Variants in ERBB4 observed in about 807,000 individuals in gnomAD.
ERBB4 encodes the protein erb-b2 receptor tyrosine kinase 4.
ERBB4 carries 42 observed loss-of-function variants against 158.0 expected under a neutral mutation model. The observed-to-expected ratio is 0.27, with a 90% CI of 0.21 to 0.34. The LOEUF (loss-of-function observed/expected upper bound fraction) is 0.34, where lower values mean the gene tolerates loss of function less well. Ranked by LOEUF, ERBB4 falls within the 10% of genes least tolerant of loss-of-function variation. The pLI, the probability that ERBB4 is intolerant of heterozygous loss-of-function variation, is 1.00. For missense variants in ERBB4, 1,333 were observed against 1,624.1 expected, an observed-to-expected ratio of 0.82 and a Z score of 3.08; for synonymous variants, 583 against 558.7, an observed-to-expected ratio of 1.04 and a Z score of -0.61.
intron 1 of ERBB4, among the ~76,000 whole-genome samples, chr2:212,473,471 C>G (rs79930909): frequency 6.6e-6 from 1 of 151,900 alleles, no homozygotes; most frequent in African/African-American, 2.4e-5. Flanking sequence ...GAAAAAAGTG[C>G]CAATTAAATG....
intron 1 of ERBB4, among the ~76,000 whole-genome samples, chr2:212,165,027 T>C (rs769043380): frequency 2.0e-5 from 3 of 151,860 alleles, no homozygotes; most frequent in Non-Finnish European, 4.4e-5. Flanking sequence ...AGACCATTTT[T>C]TTAATTAACT....
intron 22 of ERBB4, among the ~76,000 whole-genome samples, 182 bp from the exon 23 acceptor site, chr2:211,424,483 G>T (rs2063583013): frequency 6.6e-6 from 1 of 151,590 alleles, no homozygotes; most frequent in African/African-American, 2.4e-5. Flanking sequence ...AATCTTTGTG[G>T]GGGAATTCAA....
rs1295075333 is a variant in ERBB4, at chr2:211,462,248, ACT to A, written c.2488-31150_2488-31149del. ...CACTTTTAAACAATCAGATCTCATA[ACT>A]CACACACTATCATGAGCAGCACTGA... is the stretch of plus-strand genomic sequence containing the variant. On this transcript the variant is annotated intron_variant, in intron 20 of 27. Transcript: ENST00000342788. 2.6e-5 allele frequency among the ~76,000 whole-genome samples: 4 copies of A among 151,900 alleles called. No individual in the cohort carries two copies. In the East Asian group the frequency reaches 7.7e-4, roughly 29 times the overall value.
intron 3 of ERBB4, among the ~76,000 whole-genome samples, chr2:211,882,302 T>C (rs2078685257): frequency 1.3e-5 from 2 of 152,222 alleles, no homozygotes; most frequent in African/African-American, 4.8e-5. Context: ...TCTTTAGGGC[T>C]GGACTAAATG....
At chr2:212,443,176 C>T (rs946559765) in intron 1 of ERBB4, among the ~76,000 whole-genome samples, 3 of 152,200 alleles carry the variant, frequency 2.0e-5, no homozygotes, top group South Asian at 2.1e-4. Context: ...ACTGTCCTAC[C>T]TCAGGGGTTT....
intron 3 of ERBB4, among the ~76,000 whole-genome samples, chr2:211,864,208 T>C (rs1312198705): frequency 6.6e-6 from 1 of 152,208 alleles, no homozygotes; most frequent in Non-Finnish European, 1.5e-5. Context: ...CACCTCTCCT[T>C]CTTTTCTGGG....
intron 1 of ERBB4, among the ~76,000 whole-genome samples, chr2:212,151,864 A>G (rs898870145): frequency 2.6e-5 from 4 of 151,566 alleles, no homozygotes; most frequent in African/African-American, 9.8e-5. Flanking sequence ...ACTCCAGCTA[A>G]AAAATATTTT....
At chr2:212,392,400 A>C (rs1238058250) in intron 1 of ERBB4, among the ~76,000 whole-genome samples, 1 of 152,078 alleles carries the variant, frequency 6.6e-6, no homozygotes, top group East Asian at 1.9e-4. Context: ...ATTAAAATTT[A>C]AGAAAAGGCA....
chr2:211,619,269 A>C lies in ERBB4; in HGVS notation c.2209T>G (p.Trp737Gly). ...TTCACAGTTTCTCCTTCAGGTACCC[A>C]AATACCCTTTGGGGAAAAAAATTTA... ...GAFGTVYKGI[W>G]VPEGETVKIP... is the part of the protein sequence containing the mutation. Residue 737 changes from tryptophan to glycine, a missense_variant, in exon 19 of 28, where the codon TGG (tryptophan) becomes GGG (glycine). By Grantham distance (184) the Trp-to-Gly change is radical. This residue lies in a region of ERBB4 where 314 missense variants were observed against 437.6 expected (regional missense o/e 0.72). Transcript: ENST00000342788. 6.2e-7 allele frequency: 1 copy of C among 1,602,750 alleles called. No homozygotes were observed. The highest frequency in any genetic ancestry group is 8.5e-7 in the Non-Finnish European group (1 of 1,169,994).
chr2:212,180,773 C>T (rs1034568744), intron 1 of ERBB4, among the ~76,000 whole-genome samples: 1 of 151,612 alleles, frequency 6.6e-6, no homozygotes, highest in African/African-American at 2.4e-5. Flanking sequence ...ATATCATCTG[C>T]CTCATTTGCA....
chr2:212,509,430 A>G (rs149650288), intron 1 of ERBB4, among the ~76,000 whole-genome samples: 1 of 152,086 alleles, frequency 6.6e-6, no homozygotes, highest in East Asian at 1.9e-4. Context: ...TATTGGGCAA[A>G]TTTCAAATAC....
chr2:211,855,842 A>C (rs1230882285), intron 3 of ERBB4, among the ~76,000 whole-genome samples: 1 of 152,316 alleles, frequency 6.6e-6, no homozygotes, highest in Admixed American at 6.5e-5. Context: ...AAAAGAAATA[A>C]AGGGTGTAAA....
At chr2:211,676,424 C>T (rs1016359294) in intron 13 of ERBB4, among the ~76,000 whole-genome samples, 19 of 151,938 alleles carry the variant, frequency 1.3e-4, no homozygotes, top group Non-Finnish European at 2.4e-4. Context: ...CTCAGGAAAC[C>T]TGTATTTTTC....
chr2:212,292,917 G>GAAATC (rs2086261733), intron 1 of ERBB4, among the ~76,000 whole-genome samples: 1 of 151,826 alleles, frequency 6.6e-6, no homozygotes, highest in South Asian at 2.1e-4. Context: ...GTAGTGAACT[G>GAAATC]AAATCAAATC....
At chr2:211,779,512 C>T (rs746258869) in intron 4 of ERBB4, 2 of 152,202 alleles carry the variant, frequency 1.3e-5, no homozygotes, top group Non-Finnish European at 2.9e-5. Flanking sequence ...TTTTCTACAG[C>T]ACTTCCTTGG....
At chr2:211,801,355 T>C (rs2076494075) in intron 3 of ERBB4, among the ~76,000 whole-genome samples, 1 of 152,168 alleles carries the variant, frequency 6.6e-6, no homozygotes, top group Non-Finnish European at 1.5e-5. Flanking sequence ...ATACGAGAAC[T>C]GAAATATCTT....
intron 16 of ERBB4, among the ~76,000 whole-genome samples, chr2:211,638,636 T>G (rs2070450036): frequency 6.6e-6 from 1 of 152,172 alleles, no homozygotes; most frequent in South Asian, 2.1e-4. Flanking sequence ...TAAGCAAATT[T>G]GAATGTTTTT....
intron 12 of ERBB4, among the ~76,000 whole-genome samples, chr2:211,686,857 A>C (rs1176693837): frequency 2.0e-5 from 3 of 152,064 alleles, no homozygotes; most frequent in Non-Finnish European, 2.9e-5. Context: ...CTTTAGTTTT[A>C]TTTCTTTTTG....
intron 1 of ERBB4, among the ~76,000 whole-genome samples, chr2:212,498,310 T>G (rs979439322): frequency 1.3e-5 from 2 of 152,150 alleles, no homozygotes; most frequent in Non-Finnish European, 2.9e-5. Flanking sequence ...TTAATTTTTC[T>G]TGGTTTTTAA....
Sources: allele counts gnomAD v4.1 joint callset (sites outside exome capture counted in the v4.1 genomes callset), GRCh38; gene constraint gnomAD v4.1.1; regional missense constraint gnomAD v4.1.1; transcripts MANE v1.5; gene names NCBI Gene and HGNC (gene_info 2026-07-23, HGNC 2026-07-21).